Variants in MMP26 observed in about 807,000 individuals in gnomAD.
The protein encoded by MMP26 is matrix metalloproteinase-26.
A neutral mutation model predicts 31.0 loss-of-function variants in MMP26; 33 were observed. That is an observed-to-expected ratio of 1.06 (90% CI 0.81 to 1.42). MMP26 has a LOEUF of 1.42. Ranked by LOEUF, MMP26 falls within the 40% of genes most tolerant of loss-of-function variation. The pLI is 0.00. For synonymous variants in MMP26, 122 were observed against 114.9 expected, an observed-to-expected ratio of 1.06 and a Z score of -0.40; for missense variants, 347 against 316.1, an observed-to-expected ratio of 1.10 and a Z score of -0.74.
chr11:4,821,767 G>A, intron 2 of MMP26: 5 of 1,613,804 alleles, frequency 3.1e-6, no homozygotes, highest in Non-Finnish European at 4.2e-6. Flanking sequence ...GGAGTCTGGG[G>A]TTCTACTGGC....
chr11:4,982,123 T>C (rs760205075), intron 2 of MMP26, among the ~76,000 whole-genome samples: 3 of 151,876 alleles, frequency 2.0e-5, no homozygotes, highest in Non-Finnish European at 4.4e-5. Context: ...TACATACACA[T>C]ATAAACATAT....
At chr11:4,766,715 C>CCCTTCCTT (rs1554931059) in intron 1 of MMP26, among the ~76,000 whole-genome samples, 1 of 113,966 alleles carries the variant, frequency 8.8e-6, no homozygotes. Context: ...CTCCCTCCCT[C>CCCTTCCTT]CCTTCCTTCC....
intron 1 of MMP26, among the ~76,000 whole-genome samples, chr11:4,756,292 T>A (rs144785289): frequency 7.9e-5 from 12 of 152,074 alleles, no homozygotes; most frequent in African/African-American, 2.9e-4. Flanking sequence ...AAAATTATAT[T>A]TGGGAAGGGC....
chr11:4,896,075 T>A (rs1047597903), intron 2 of MMP26, among the ~76,000 whole-genome samples: 3 of 152,152 alleles, frequency 2.0e-5, no homozygotes, highest in African/African-American at 4.8e-5. Context: ...ACCTCTAAGT[T>A]CCTCCTATGT....
Position 4,803,650 on chromosome 11 carries a change from C to A in MMP26, c.-145+36309C>A. On this transcript the variant is annotated intron_variant, in intron 2 of 7. Coordinates refer to ENST00000380390, the MANE Select transcript of MMP26 (RefSeq NM_021801.5). ...CAAGATGACACAGATATGGGAGGAA[C>A]GTGTGCTAAAAGCTTTGAGGCGGGC... 6.2e-7 allele frequency: 1 copy of A among 1,613,896 alleles called. No individual in the cohort carries two copies. Among genetic ancestry groups the A allele is most frequent in the Non-Finnish European group, 8.5e-7 (1 of 1,179,968 alleles).
chr11:4,978,294 G>T (rs1846766917), intron 2 of MMP26, among the ~76,000 whole-genome samples: 1 of 152,082 alleles, frequency 6.6e-6, no homozygotes, highest in African/African-American at 2.4e-5. Flanking sequence ...AACAGGGCAA[G>T]AAGTGTCAAG....
chr11:4,976,797 A>G (rs1846743321), intron 2 of MMP26, among the ~76,000 whole-genome samples: 1 of 152,024 alleles, frequency 6.6e-6, no homozygotes, highest in Non-Finnish European at 1.5e-5. Context: ...GAAGGTTAAC[A>G]TCCTATGAGA....
chr11:4,720,654 T>A (rs1847998109), intron 1 of MMP26, among the ~76,000 whole-genome samples: 1 of 152,194 alleles, frequency 6.6e-6, no homozygotes, highest in African/African-American at 2.4e-5. Flanking sequence ...TATTAAAAAC[T>A]ATGATTTTGG....
intron 2 of MMP26, among the ~76,000 whole-genome samples, chr11:4,838,065 C>T (rs1026489831): frequency 2.0e-5 from 3 of 151,848 alleles, no homozygotes; most frequent in African/African-American, 4.8e-5. Flanking sequence ...CACCTGTAAT[C>T]TCAGCACTTT....
chr11:4,794,740 C>A (rs368541109), intron 2 of MMP26, among the ~76,000 whole-genome samples: 57 of 152,268 alleles, frequency 3.7e-4, no homozygotes, highest in African/African-American at 1.3e-3. Context: ...ACCAAGCAGT[C>A]CCGACAAGCA....
chr11:4,716,285 T>C (rs1487026175), intron 1 of MMP26, among the ~76,000 whole-genome samples: 1 of 152,246 alleles, frequency 6.6e-6, no homozygotes, highest in Non-Finnish European at 1.5e-5. Context: ...ACATCTGCCT[T>C]ACTGAACTGT....
At chr11:4,864,403 C>G (rs1226337791) in intron 2 of MMP26, among the ~76,000 whole-genome samples, 1 of 152,088 alleles carries the variant, frequency 6.6e-6, no homozygotes, top group Non-Finnish European at 1.5e-5. Flanking sequence ...CTTTTGATCT[C>G]ATTTATTTTC....
intron 2 of MMP26, among the ~76,000 whole-genome samples, chr11:4,892,017 A>G (rs1850631803): frequency 6.6e-6 from 1 of 152,110 alleles, no homozygotes; most frequent in African/African-American, 2.4e-5. Flanking sequence ...AGAGACAATG[A>G]GGCTGCAAGA....
At chr11:4,844,411 T>C (rs1336298376) in intron 2 of MMP26, among the ~76,000 whole-genome samples, 1 of 152,154 alleles carries the variant, frequency 6.6e-6, no homozygotes, top group East Asian at 1.9e-4. Flanking sequence ...TCCACACTCA[T>C]TCTATGAGGT....
At chr11:4,813,225 T>C (rs1413440955) in intron 2 of MMP26, among the ~76,000 whole-genome samples, 1 of 152,136 alleles carries the variant, frequency 6.6e-6, no homozygotes, top group Non-Finnish European at 1.5e-5. Flanking sequence ...CAGTGGACTT[T>C]TAAATAGTTT....
intron 2 of MMP26, chr11:4,822,210 C>T: frequency 6.3e-7 from 1 of 1,591,946 alleles, no homozygotes; most frequent in South Asian, 1.2e-5. Context: ...TGTCTCTTGT[C>T]CATCGCTATG....
At position 4,761,596 on chromosome 11, in the gene MMP26, G is replaced by A. The variant is rs76172881; in HGVS notation, c.-216-5674G>A. ...AAAAATCACATCAGGGAAAATAAACGTATTGACCCAGGAAGTTTGTGTTTA... is the reference window on the plus strand; with the variant it reads ...AAAAATCACATCAGGGAAAATAAACATATTGACCCAGGAAGTTTGTGTTTA... On this transcript the variant is annotated intron_variant, in intron 1 of 7. Transcript: ENST00000380390. Among the ~76,000 whole-genome samples, 10 of 152,200 alleles carry A rather than the reference G, an allele frequency of 6.6e-5. No homozygotes were observed. The South Asian group carries it at 1.4e-3, about 22-fold the overall frequency.
Position 4,806,504 on chromosome 11 carries a change from G to T in MMP26, c.-145+39163G>T, listed in dbSNP as rs1373178852. 5.9e-5 allele frequency among the ~76,000 whole-genome samples: 9 copies of T among 152,028 alleles called. 1 individual carries two copies. Among genetic ancestry groups the T allele is most frequent in the Admixed American group, 5.9e-4 (9 of 15,274 alleles). ...GGCTTCTTTGTCTCTTTTGATCTTTGTTGGTTTAAAGTCTGTTTTATCAGA... is the reference window on the plus strand; with the variant it reads ...GGCTTCTTTGTCTCTTTTGATCTTTTTTGGTTTAAAGTCTGTTTTATCAGA... On this transcript the variant is annotated intron_variant, in intron 2 of 7. Coordinates refer to ENST00000380390, the MANE Select transcript of MMP26 (RefSeq NM_021801.5).
chr11:4,982,743 C>T (rs556545685), intron 2 of MMP26, among the ~76,000 whole-genome samples: 65 of 152,252 alleles, frequency 4.3e-4, no homozygotes, highest in African/African-American at 1.4e-3. Context: ...TAAATCCCTA[C>T]GGGATCCATT....
Sources: gnomAD v4.1 joint callset for allele counts (sites outside exome capture counted in the v4.1 genomes callset) on GRCh38, gnomAD v4.1.1 for gene constraint, MANE v1.5 for transcripts, NCBI Gene and HGNC (gene_info 2026-07-23, HGNC 2026-07-21) for gene names.